The following SNX29 variants were observed in gnomAD, a reference collection of about 807,000 sequenced individuals.
SNX29 encodes sorting nexin 29.
Under a neutral mutation model 102.1 loss-of-function variants are expected in SNX29, and 78 were observed. That is an observed-to-expected ratio of 0.76 (90% CI 0.64 to 0.92). The LOEUF (loss-of-function observed/expected upper bound fraction) is 0.92. Ranked by LOEUF, SNX29 falls within the 40% of genes least tolerant of loss-of-function variation. The pLI, the probability that SNX29 is intolerant of heterozygous loss-of-function variation, is 0.00. For missense variants in SNX29, 1,280 were observed against 1,061.7 expected (o/e 1.21, Z -2.86); for synonymous variants, 580 against 414.5 (o/e 1.40, Z -4.85).
intron 20 of SNX29, among the ~76,000 whole-genome samples, chr16:12,543,930 C>A (rs1004697599): frequency 5.3e-5 from 8 of 152,238 alleles, no homozygotes; most frequent in Non-Finnish European, 7.4e-5. Context: ...AATCCGGCAC[C>A]CTCTCGTTCT....
intron 18 of SNX29, among the ~76,000 whole-genome samples, chr16:12,448,224 C>A (rs1251542418): frequency 1.3e-5 from 2 of 152,232 alleles, no homozygotes; most frequent in African/African-American, 4.8e-5. Context: ...TGTCTCACTT[C>A]AAAGCCTGTG....
Position 12,257,664 on chromosome 16 carries a change from G to A in SNX29, c.1679-20269G>A, listed in dbSNP as rs1225227054. ...GTTGGGAAGTTGGAACTACAGGCAC[G>A]CACCACCATGCCCGGCTTATTTAAA... On this transcript the variant is annotated intron_variant, in intron 14 of 20. Transcript: ENST00000566228. Among the ~76,000 whole-genome samples, 3 of 151,004 alleles carry A rather than the reference G, an allele frequency of 2.0e-5. 1 individual carries two copies. The highest frequency in any genetic ancestry group is 4.2e-4 in the South Asian group (2 of 4,784).
intron 14 of SNX29, among the ~76,000 whole-genome samples, chr16:12,266,331 G>T (rs2142554372): frequency 6.6e-6 from 1 of 152,212 alleles, no homozygotes; most frequent in African/African-American, 2.4e-5. Context: ...CACCAGCCGG[G>T]CTCCCTACAG....
At chr16:12,350,120 C>A (rs2081952669) in intron 15 of SNX29, among the ~76,000 whole-genome samples, 1 of 152,146 alleles carries the variant, frequency 6.6e-6, no homozygotes, top group Non-Finnish European at 1.5e-5. Flanking sequence ...GAGTCACTTG[C>A]CGTGTGTGTG....
At chr16:12,171,081 C>A (rs997919817) in intron 13 of SNX29, among the ~76,000 whole-genome samples, 2 of 152,020 alleles carry the variant, frequency 1.3e-5, no homozygotes, top group Non-Finnish European at 2.9e-5. Context: ...TGCTTGTTTG[C>A]GGTCTATAAT....
chr16:12,223,594 A>T (rs918875712), intron 14 of SNX29, among the ~76,000 whole-genome samples: 1 of 152,098 alleles, frequency 6.6e-6, no homozygotes, highest in African/African-American at 2.4e-5. Flanking sequence ...AACCCAGGAG[A>T]TGGAGGTTGC....
chr16:12,548,441 C>G (rs1442054558), intron 20 of SNX29, among the ~76,000 whole-genome samples: 1 of 152,208 alleles, frequency 6.6e-6, no homozygotes, highest in Non-Finnish European at 1.5e-5. Context: ...CATCCCTGTA[C>G]CATGGCATCT....
intron 4 of SNX29, among the ~76,000 whole-genome samples, chr16:12,033,656 G>T (rs1021470599): frequency 1.8e-4 from 27 of 150,920 alleles, no homozygotes; most frequent in Admixed American, 1.8e-3. Flanking sequence ...GCCCATGCTG[G>T]AGTGCAGTGG....
chr16:12,191,953 C>T (rs530841200), intron 13 of SNX29, among the ~76,000 whole-genome samples: 1 of 152,168 alleles, frequency 6.6e-6, no homozygotes, highest in African/African-American at 2.4e-5. Context: ...GGCATGAGGT[C>T]CCCTCGAGCT....
At chr16:12,215,341 A>T (rs1042681646) in intron 14 of SNX29, among the ~76,000 whole-genome samples, 3 of 151,272 alleles carry the variant, frequency 2.0e-5, no homozygotes, top group African/African-American at 7.3e-5. Context: ...CAGAAGGTGT[A>T]TAATGGGGCC....
intron 14 of SNX29, among the ~76,000 whole-genome samples, chr16:12,261,584 C>T (rs1417659453): frequency 7.2e-6 from 1 of 138,136 alleles, no homozygotes; most frequent in Non-Finnish European, 1.6e-5. Context: ...GTGTGCATCC[C>T]TGGCTGGAGT....
At chr16:12,560,703 G>A (rs553425294) in intron 20 of SNX29, 1 of 162,994 alleles carries the variant, frequency 6.1e-6, no homozygotes, top group South Asian at 2.1e-4. Context: ...CATCGACTCT[G>A]GGCTCAGAGT....
At chr16:12,207,140 G>A (rs778633234) in intron 14 of SNX29, among the ~76,000 whole-genome samples, 2 of 152,092 alleles carry the variant, frequency 1.3e-5, no homozygotes, top group East Asian at 1.9e-4. Context: ...AGGCCAAGAC[G>A]GGTGGATCAC....
intron 16 of SNX29, among the ~76,000 whole-genome samples, chr16:12,358,573 C>A (rs531240138): frequency 6.6e-6 from 1 of 152,242 alleles, no homozygotes; most frequent in South Asian, 2.1e-4. Flanking sequence ...CTAATCTTCC[C>A]CTGCTATCCA....
chr16:12,253,550 C>T (rs775544833), intron 14 of SNX29, among the ~76,000 whole-genome samples: 1 of 151,876 alleles, frequency 6.6e-6, no homozygotes, highest in East Asian at 1.9e-4. Flanking sequence ...GTTGCCTGAG[C>T]ACAGAGTTGC....
At chr16:12,108,402 C>T (rs753859806) in intron 11 of SNX29, among the ~76,000 whole-genome samples, 3 of 152,170 alleles carry the variant, frequency 2.0e-5, no homozygotes, top group Non-Finnish European at 4.4e-5. Flanking sequence ...TGGACTTGAC[C>T]ATGGGAGAAC....
chr16:12,119,538 T>C (rs566885364), intron 11 of SNX29, among the ~76,000 whole-genome samples: 3 of 152,348 alleles, frequency 2.0e-5, no homozygotes, highest in African/African-American at 7.2e-5. Context: ...AGATTATAAT[T>C]ATGTAGAAAC....
chr16:12,363,717 T>C (rs113825131), intron 16 of SNX29, among the ~76,000 whole-genome samples: 5,063 of 152,284 alleles, frequency 0.033, 284 homozygotes, highest in African/African-American at 0.12. Flanking sequence ...AAAAAAGAGA[T>C]GAGCAGGGTT....
chr16:12,373,405 C>G (rs1469480480), intron 16 of SNX29, among the ~76,000 whole-genome samples: 1 of 152,196 alleles, frequency 6.6e-6, no homozygotes, highest in Non-Finnish European at 1.5e-5. Context: ...GCTGGGATTA[C>G]AAGTATATGA....
Sources: gnomAD v4.1 joint callset for allele counts (sites outside exome capture counted in the v4.1 genomes callset) on GRCh38, gnomAD v4.1.1 for gene constraint, MANE v1.5 for transcripts, NCBI Gene and HGNC (gene_info 2026-07-23, HGNC 2026-07-21) for gene names.